Variants in DGKB observed in about 807,000 individuals in gnomAD.
DGKB encodes diacylglycerol kinase beta.
In DGKB, 67 loss-of-function variants were observed where a neutral mutation model predicts 114.3. That is an observed-to-expected ratio of 0.59 (90% CI 0.48 to 0.72). The LOEUF is 0.72. Among genes scored for constraint, DGKB ranks in the 30% least tolerant of loss-of-function variants. The probability of loss-of-function intolerance (pLI) is 0.00; values close to 1 mark genes in which losing one functional copy is unlikely to be tolerated. For synonymous variants in DGKB, 398 were observed against 323.1 expected (o/e 1.23, Z -2.49); for missense variants, 907 against 975.2 (o/e 0.93, Z 0.93).
intron 21 of DGKB, among the ~76,000 whole-genome samples, chr7:14,444,733 T>A (rs937056097): frequency 2.0e-5 from 3 of 151,920 alleles, no homozygotes; most frequent in African/African-American, 7.2e-5. Context: ...ATATATGTAA[T>A]GCATGTAAAG....
At chr7:14,350,308 A>G (rs1312740606) in intron 21 of DGKB, among the ~76,000 whole-genome samples, 1 of 152,268 alleles carries the variant, frequency 6.6e-6, no homozygotes, top group Non-Finnish European at 1.5e-5. Context: ...TTCCAGCAAT[A>G]TATTTTCCTT....
intron 1 of DGKB, among the ~76,000 whole-genome samples, chr7:14,958,916 T>A (rs1786679370): frequency 6.6e-6 from 1 of 152,020 alleles, no homozygotes; most frequent in African/African-American, 2.4e-5. Context: ...TATTTCTGAA[T>A]CAATAATCCA....
chr7:14,582,940 C>T (rs1266382737), intron 18 of DGKB, 112 bp downstream of exon 18: 10 of 774,636 alleles, frequency 1.3e-5, no homozygotes, highest in Non-Finnish European at 1.8e-5. Context: ...TCCAGATGTC[C>T]AATTATATCA....
chr7:14,552,086 A>G (rs1795182953), intron 20 of DGKB, among the ~76,000 whole-genome samples: 1 of 152,134 alleles, frequency 6.6e-6, no homozygotes, highest in Admixed American at 6.5e-5. Flanking sequence ...ACAACAGGAT[A>G]AATATGCTAA....
chr7:14,234,265 T>TGAA (rs1195278762), intron 23 of DGKB, among the ~76,000 whole-genome samples: 1 of 152,070 alleles, frequency 6.6e-6, no homozygotes, highest in Admixed American at 6.6e-5. Flanking sequence ...GACCAAGGAA[T>TGAA]GAAGTATAAG....
chr7:14,206,833 A>AT (rs1182130120), intron 23 of DGKB, among the ~76,000 whole-genome samples: 1 of 152,038 alleles, frequency 6.6e-6, no homozygotes, highest in Non-Finnish European at 1.5e-5. Flanking sequence ...TGTTGCAACT[A>AT]TTTTTTGTAG....
intron 1 of DGKB, among the ~76,000 whole-genome samples, chr7:14,853,793 A>G (rs1849721613): frequency 6.8e-6 from 1 of 146,790 alleles, no homozygotes; most frequent in Non-Finnish European, 1.5e-5. Context: ...GCGTGAACCC[A>G]CGAGGCGGAG....
intron 20 of DGKB, among the ~76,000 whole-genome samples, chr7:14,512,335 G>C (rs944282123): frequency 1.7e-4 from 26 of 152,148 alleles, no homozygotes; most frequent in African/African-American, 6.3e-4. Flanking sequence ...GGTTTCATTT[G>C]ATTACCAAGA....
At chr7:14,258,093 G>A (rs1034363626) in intron 23 of DGKB, among the ~76,000 whole-genome samples, 2 of 152,112 alleles carry the variant, frequency 1.3e-5, no homozygotes, top group Non-Finnish European at 2.9e-5. Context: ...GTGTGAGAAT[G>A]GACTAATAAA....
chr7:14,389,573 C>G (rs1820990826), intron 21 of DGKB, among the ~76,000 whole-genome samples: 1 of 152,166 alleles, frequency 6.6e-6, no homozygotes, highest in African/African-American at 2.4e-5. Context: ...TCTCAGGGAA[C>G]CTGTGCCGTT....
At chr7:14,955,353 A>G (rs1223344880) in intron 1 of DGKB, among the ~76,000 whole-genome samples, 1 of 151,982 alleles carries the variant, frequency 6.6e-6, no homozygotes, top group African/African-American at 2.4e-5. Flanking sequence ...TTCTCTTTCA[A>G]TTTCTAAAAT....
At chr7:14,848,231 C>T (rs1328457278) in intron 1 of DGKB, among the ~76,000 whole-genome samples, 3 of 152,130 alleles carry the variant, frequency 2.0e-5, no homozygotes. Context: ...GAACTCAAGA[C>T]ATATTTTTGA....
intron 2 of DGKB, among the ~76,000 whole-genome samples, chr7:14,826,741 A>G (rs563975841): frequency 6.6e-6 from 1 of 152,254 alleles, no homozygotes; most frequent in African/African-American, 2.4e-5. Context: ...AATAATAAGT[A>G]CTGGCTTGGT....
chr7:14,457,492 T>C (rs1342639647), intron 21 of DGKB, among the ~76,000 whole-genome samples: 2 of 152,216 alleles, frequency 1.3e-5, no homozygotes, highest in East Asian at 3.9e-4. Flanking sequence ...ATTAAAGCTA[T>C]TATTTCTAAA....
At chr7:14,794,967 G>A (rs1275432990) in intron 2 of DGKB, among the ~76,000 whole-genome samples, 1 of 152,142 alleles carries the variant, frequency 6.6e-6, no homozygotes, top group Non-Finnish European at 1.5e-5. Context: ...CATTGCCTAA[G>A]GAAACTGTAA....
chr7:14,871,288 A>G (rs1188797745), intron 1 of DGKB, among the ~76,000 whole-genome samples: 1 of 152,152 alleles, frequency 6.6e-6, no homozygotes, highest in Non-Finnish European at 1.5e-5. Context: ...TAGCAATTTC[A>G]AAATACATAA....
At chr7:14,726,804 C>T (rs2128374256) in intron 5 of DGKB, among the ~76,000 whole-genome samples, 1 of 152,222 alleles carries the variant, frequency 6.6e-6, no homozygotes, top group South Asian at 2.1e-4. Flanking sequence ...ACAACTAGCC[C>T]TTTATAATCA....
chr7:14,905,012 G>T (rs188626591), upstream of DGKB, among the ~76,000 whole-genome samples: 255 of 152,040 alleles, frequency 1.7e-3, no homozygotes, highest in African/African-American at 5.8e-3. Flanking sequence ...GTTTAGCAGG[G>T]TTTTCTTTTT....
chr7:14,169,507 C>CA (rs1780524677), intron 25 of DGKB, among the ~76,000 whole-genome samples: 1 of 151,918 alleles, frequency 6.6e-6, no homozygotes, highest in Admixed American at 6.6e-5. Context: ...GGATTTGAGG[C>CA]AAAAAACGAA....
Sources: allele counts gnomAD v4.1 joint callset (sites outside exome capture counted in the v4.1 genomes callset), GRCh38; gene constraint gnomAD v4.1.1; transcripts MANE v1.5; gene names NCBI Gene and HGNC (gene_info 2026-07-23, HGNC 2026-07-21).